Variants in MARS1 observed in about 807,000 individuals in gnomAD.
MARS1 encodes the protein methionine--tRNA ligase, cytoplasmic.
In MARS1, 80 loss-of-function variants were observed where a neutral mutation model predicts 119.5. The ratio of observed to expected loss-of-function variants is 0.67; its 90% CI spans 0.56 to 0.81. The LOEUF (loss-of-function observed/expected upper bound fraction) is 0.81, where lower values mean the gene tolerates loss of function less well. MARS1 is among the 30% of genes least tolerant of loss of function. The pLI, the probability that MARS1 is intolerant of heterozygous loss-of-function variation, is 0.00. For synonymous variants in MARS1, 418 were observed against 433.4 expected, an observed-to-expected ratio of 0.96 and a Z score of 0.44; for missense variants, 945 against 1,116.5, an observed-to-expected ratio of 0.85 and a Z score of 2.19.
chr12:57,508,538 G>A (rs560001900), intron 11 of MARS1, among the ~76,000 whole-genome samples: 4 of 152,386 alleles, frequency 2.6e-5, no homozygotes, highest in Admixed American at 6.5e-5. Flanking sequence ...GCACGCGCCC[G>A]CAATCGCAGG....
chr12:57,497,977 C>T (rs1386334150), intron 7 of MARS1, among the ~76,000 whole-genome samples, 180 bp from the exon 8 acceptor site: 1 of 152,148 alleles, frequency 6.6e-6, no homozygotes, highest in East Asian at 1.9e-4. Context: ...ATTTGCATCT[C>T]TGGGGATCTT....
chr12:57,500,005 A>G lies in MARS1; in HGVS notation c.1092-316A>G, dbSNP rs147528657. The G allele has an allele frequency of 1.2e-4, 38 of 330,308 alleles. No homozygotes were observed. In the East Asian group the frequency reaches 1.4e-3, roughly 12 times the overall value. The allele number at this position is 330,308 out of a possible 1,614,324, so 20.5% of individuals were successfully genotyped here. A position where few individuals can be genotyped will look rare whatever the true frequency, so the allele number is the denominator to read the frequency against. ...TGGACTGACTTAATTTTTAGGATAT[A>G]TTAAAGAACAGGCACAGTCCTATCC... On this transcript the variant is annotated intron_variant, in intron 9 of 20. Coordinates refer to ENST00000262027, the MANE Select transcript of MARS1 (RefSeq NM_004990.4).
chr12:57,507,770 C>G (rs565818021), intron 11 of MARS1, among the ~76,000 whole-genome samples: 33 of 150,054 alleles, frequency 2.2e-4, no homozygotes, highest in African/African-American at 7.8e-4. Flanking sequence ...CCCCACCTCC[C>G]TCCCGGACGG....
chr12:57,505,111 CGT>C, intron 11 of MARS1, among the ~76,000 whole-genome samples: 1 of 151,482 alleles, frequency 6.6e-6, no homozygotes, highest in Non-Finnish European at 1.5e-5. Flanking sequence ...TGCCTGCAAA[CGT>C]GTTGGGATTA....
intron 7 of MARS1, among the ~76,000 whole-genome samples, chr12:57,494,038 C>G (rs936773214): frequency 6.9e-4 from 98 of 141,276 alleles, no homozygotes; most frequent in Middle Eastern, 3.6e-3. Flanking sequence ...TCACTGTAAC[C>G]TCCGCCTCCC....
rs1055641154 is a variant in MARS1, at chr12:57,500,371, A to C, written c.1142A>C (p.Gln381Pro). The change falls in exon 10 of 21, where the codon CAA (glutamine) becomes CCA (proline). Residue 381 changes from glutamine (Q) to proline (P), a missense_variant. Transcript: ENST00000262027. ...QQLLKRGFVL[Q>P]DTVEQLRCEH... is the part of the protein sequence containing the mutation. ...TTGCTGAAACGAGGTTTTGTGCTGC[A>C]AGATACTGTGGAGCAACTGCGATGT... 5 of 1,614,114 alleles carry C rather than the reference A, an allele frequency of 3.1e-6. No homozygotes were observed. The highest frequency in any genetic ancestry group is 4.2e-6 in the Non-Finnish European group (5 of 1,180,042).
At chr12:57,490,038 A>G in intron 5 of MARS1, 67 bp downstream of exon 5, 3 of 1,507,732 alleles carry the variant, frequency 2.0e-6, no homozygotes, top group East Asian at 4.5e-5. Context: ...GGGCAGTAGA[A>G]TACTGAGAAC....
intron 18 of MARS1, 90 bp downstream of exon 18, chr12:57,515,426 G>A: frequency 7.6e-7 from 1 of 1,315,656 alleles, no homozygotes; most frequent in Non-Finnish European, 1.0e-6. Flanking sequence ...TCTCTCCAGT[G>A]TTACTTTGGT....
Position 57,507,454 on chromosome 12 carries a change from G to A in MARS1, c.1368+3155G>A, listed in dbSNP as rs1406282380. ...CGGGCAGAGGCGCCCCTCACCTCCC[G>A]GACGGGGCGGCTGGCCGGGCGGGGG... On this transcript the variant is annotated intron_variant, in intron 11 of 20. Coordinates refer to ENST00000262027, the MANE Select transcript of MARS1 (RefSeq NM_004990.4). 2.5e-4 allele frequency among the ~76,000 whole-genome samples: 18 copies of A among 72,562 alleles called. 1 individual carries two copies. The highest frequency in any genetic ancestry group is 2.5e-3 in the South Asian group (5 of 2,034). 47.6% of individuals were successfully genotyped at this position (72,562 alleles called of 152,430 possible). A position where few individuals can be genotyped will look rare whatever the true frequency, so the allele number is the denominator to read the frequency against.
intron 10 of MARS1, among the ~76,000 whole-genome samples, chr12:57,503,001 G>A (rs535115032): frequency 1.3e-5 from 2 of 152,230 alleles, no homozygotes; most frequent in African/African-American, 4.8e-5. Flanking sequence ...ACTCCAGTCT[G>A]GGCAACAGAG....
intron 7 of MARS1, among the ~76,000 whole-genome samples, chr12:57,492,171 C>T (rs565148897): frequency 2.8e-4 from 42 of 148,996 alleles, no homozygotes; most frequent in Admixed American, 1.8e-3. Context: ...CCCAGCTACT[C>T]GGGAAGGTGA....
At chr12:57,498,384 G>T (rs757574588) in intron 8 of MARS1, 36 bp from the exon 9 acceptor site, 1 of 1,607,238 alleles carries the variant, frequency 6.2e-7, no homozygotes, top group Non-Finnish European at 8.5e-7. Context: ...AAGCGCTGAA[G>T]CGGGGCCCCC....
intron 18 of MARS1, chr12:57,515,639 C>G: frequency 1.8e-6 from 1 of 560,574 alleles, no homozygotes; most frequent in Non-Finnish European, 3.1e-6. Context: ...TACAGGAAAG[C>G]CATTTCCTCT....
chr12:57,510,015 CA>C (rs994621673), intron 11 of MARS1, among the ~76,000 whole-genome samples: 2 of 151,832 alleles, frequency 1.3e-5, no homozygotes, highest in Non-Finnish European at 2.9e-5. Context: ...TGTGTTCAAA[CA>C]AAATTTTTTT....
intron 7 of MARS1, among the ~76,000 whole-genome samples, chr12:57,493,710 T>A (rs796140069): frequency 1.7e-3 from 1 of 586 alleles, no homozygotes; most frequent in African/African-American, 3.4e-3. Flanking sequence ...TTATAATATA[T>A]TATATATTAT....
At chr12:57,495,994 G>A (rs1876608260) in intron 7 of MARS1, among the ~76,000 whole-genome samples, 1 of 152,118 alleles carries the variant, frequency 6.6e-6, no homozygotes, top group South Asian at 2.1e-4. Context: ...ACCGTGGAAA[G>A]TGGGAGACCG....
rs749862419 is a variant in MARS1, at chr12:57,490,292, G to A, written c.576G>A (p.Gln192=). 16 of 1,613,190 alleles carry A rather than the reference G, an allele frequency of 9.9e-6. No individual in the cohort carries two copies. Among genetic ancestry groups the A allele is most frequent in the Non-Finnish European group, 1.4e-5 (16 of 1,180,056 alleles). Residue 192 remains glutamine (Q), a synonymous_variant, in exon 6 of 21, where the codon CAG becomes CAA. Coordinates refer to ENST00000262027, the MANE Select transcript of MARS1 (RefSeq NM_004990.4). ...CQRAAETVLK[Q]QGVLALRPYL... is the part of the protein sequence containing the mutation. ...GAGCTGCAGAGACTGTACTGAAACA[G>A]CAAGGTGTCCTGGCTCTCCGGCCTT...
chr12:57,504,633 C>T (rs753438483), intron 11 of MARS1, among the ~76,000 whole-genome samples: 6 of 151,184 alleles, frequency 4.0e-5, no homozygotes, highest in Non-Finnish European at 5.9e-5. Context: ...CTCACTGCAG[C>T]CTTGATATCC....
chr12:57,494,316 CTTCTTTTTT>C (rs1876462069), intron 7 of MARS1, among the ~76,000 whole-genome samples: 1 of 145,122 alleles, frequency 6.9e-6, no homozygotes, highest in South Asian at 2.2e-4. Flanking sequence ...GCACTTACTT[CTTCTTTTTT>C]TTCTTTTTTT....
Sources: gnomAD v4.1 joint callset for allele counts (sites outside exome capture counted in the v4.1 genomes callset) on GRCh38, gnomAD v4.1.1 for gene constraint, MANE v1.5 for transcripts, NCBI Gene and HGNC (gene_info 2026-07-23, HGNC 2026-07-21) for gene names.